The following RANBP2 variants were observed in gnomAD, a reference collection of about 807,000 sequenced individuals.
RANBP2 encodes the protein RAN binding protein 2.
RANBP2 carries 57 observed loss-of-function variants against 303.6 expected under a neutral mutation model. That is an observed-to-expected ratio of 0.19 (90% CI 0.15 to 0.23). The LOEUF (loss-of-function observed/expected upper bound fraction) is 0.23. Ranked by LOEUF, RANBP2 falls within the 10% of genes least tolerant of loss-of-function variation. The pLI, the probability that RANBP2 is intolerant of heterozygous loss-of-function variation, is 1.00. For missense variants in RANBP2, 3,138 were observed against 3,780.8 expected, an observed-to-expected ratio of 0.83 and a Z score of 4.46; for synonymous variants, 1,167 against 1,301.5, an observed-to-expected ratio of 0.90 and a Z score of 2.23.
At chr2:109,017,741 G>A in the RANBP2 span, among the ~76,000 whole-genome samples, 2 of 152,108 alleles carry the variant, frequency 1.3e-5, no homozygotes, top group African/African-American at 4.8e-5. Context: ...GAGACCCTTG[G>A]AATCTTAATA....
the RANBP2 span, among the ~76,000 whole-genome samples, chr2:109,569,437 TAA>T: frequency 0.071 from 9,268 of 131,168 alleles, 691 homozygotes; most frequent in East Asian, 0.25. Context: ...AAACTCTTGT[TAA>T]AAAAAAAAAA....
the RANBP2 span, among the ~76,000 whole-genome samples, chr2:109,601,384 A>C: frequency 3.9e-5 from 6 of 152,260 alleles, no homozygotes; most frequent in Admixed American, 3.3e-4. Context: ...ACAAGTGTAT[A>C]AAAGGGTCCA....
At chr2:108,738,615 T>TTAA (rs1192496004) in intron 6 of RANBP2, among the ~76,000 whole-genome samples, 1 of 151,890 alleles carries the variant, frequency 6.6e-6, no homozygotes, top group Non-Finnish European at 1.5e-5. Flanking sequence ...CTATTGTGTG[T>TTAA]TAATAATAAT....
the RANBP2 span, among the ~76,000 whole-genome samples, chr2:109,249,839 A>ATTTATTTTTTAATTTT: frequency 6.6e-6 from 1 of 150,860 alleles, no homozygotes; most frequent in Non-Finnish European, 1.5e-5. Flanking sequence ...TGTTTTATTT[A>ATTTATTTTTTAATTTT]TTTATTTTTT....
the RANBP2 span, among the ~76,000 whole-genome samples, chr2:108,812,161 A>G: frequency 6.6e-6 from 1 of 152,196 alleles, no homozygotes; most frequent in African/African-American, 2.4e-5. Context: ...GTTCATGGAT[A>G]GGAAGACTCA....
At chr2:109,202,560 G>A in the RANBP2 span, among the ~76,000 whole-genome samples, 2 of 152,240 alleles carry the variant, frequency 1.3e-5, no homozygotes, top group South Asian at 2.1e-4. Flanking sequence ...CCTCCCAGCA[G>A]TCAGCAGTGA....
chr2:108,775,114 A>G (rs1677783904), intron 23 of RANBP2, among the ~76,000 whole-genome samples: 3 of 152,176 alleles, frequency 2.0e-5, no homozygotes, highest in African/African-American at 7.2e-5. Flanking sequence ...GCAAGTTTTA[A>G]TATGTGATAT....
the RANBP2 span, among the ~76,000 whole-genome samples, chr2:109,416,342 C>T: frequency 6.6e-6 from 1 of 151,848 alleles, no homozygotes; most frequent in African/African-American, 2.4e-5. Context: ...TGCCTGTAAT[C>T]CCAGCACTTT....
At chr2:109,680,390 A>G in the RANBP2 span, among the ~76,000 whole-genome samples, 1 of 151,564 alleles carries the variant, frequency 6.6e-6, no homozygotes, top group Non-Finnish European at 1.5e-5. Context: ...AATAAAAAAA[A>G]AATTTAAAAA....
At chr2:109,228,710 A>C in the RANBP2 span, among the ~76,000 whole-genome samples, 1 of 152,100 alleles carries the variant, frequency 6.6e-6, no homozygotes, top group Non-Finnish European at 1.5e-5. Flanking sequence ...AAGCAGCCAG[A>C]TGGAGAGGTA....
chr2:109,568,013 AT>A, the RANBP2 span: 50,731 of 1,149,136 alleles, frequency 0.044, no homozygotes, highest in South Asian at 0.062. Context: ...CTTACTGAGG[AT>A]TTTTTTTTTT....
the RANBP2 span, among the ~76,000 whole-genome samples, chr2:109,679,524 A>G: frequency 6.6e-6 from 1 of 152,184 alleles, no homozygotes; most frequent in African/African-American, 2.4e-5. Context: ...TAAAACTTAA[A>G]TGCATTTACA....
At chr2:109,625,936 C>T in the RANBP2 span, among the ~76,000 whole-genome samples, 1 of 152,064 alleles carries the variant, frequency 6.6e-6, no homozygotes, top group African/African-American at 2.4e-5. Context: ...AGAAACTGAA[C>T]TAGATCTGTG....
chr2:109,194,216 C>G, the RANBP2 span, among the ~76,000 whole-genome samples: 1 of 152,242 alleles, frequency 6.6e-6, no homozygotes, highest in Non-Finnish European at 1.5e-5. Context: ...CCGTGCAGAC[C>G]ACGTTTCAGG....
At chr2:108,965,131 G>T in the RANBP2 span, among the ~76,000 whole-genome samples, 1 of 151,908 alleles carries the variant, frequency 6.6e-6, no homozygotes, top group African/African-American at 2.4e-5. Flanking sequence ...GTGTGTGAAG[G>T]GTACTGGTAT....
At chr2:109,198,911 T>G in the RANBP2 span, among the ~76,000 whole-genome samples, 2 of 152,184 alleles carry the variant, frequency 1.3e-5, no homozygotes, top group South Asian at 2.1e-4. Flanking sequence ...TTTGCGTAGC[T>G]AAATGCAGAA....
intron 17 of RANBP2, among the ~76,000 whole-genome samples, chr2:108,757,884 A>C (rs1676436216): frequency 6.6e-6 from 1 of 152,230 alleles, no homozygotes; most frequent in Non-Finnish European, 1.5e-5. Context: ...GAGAGTTAAT[A>C]AATTAGGTTT....
the RANBP2 span, chr2:109,398,581 C>T: frequency 1.9e-4 from 289 of 1,543,588 alleles, no homozygotes; most frequent in Admixed American, 1.1e-3. Flanking sequence ...TCTCCCCTTT[C>T]TCACTCAGCT....
the RANBP2 span, among the ~76,000 whole-genome samples, chr2:109,345,085 A>AGT: frequency 1.3e-5 from 2 of 152,058 alleles, no homozygotes; most frequent in Non-Finnish European, 2.9e-5. Flanking sequence ...GTGACTCAGG[A>AGT]GTGTGTGTCT....
Sources: allele counts gnomAD v4.1 joint callset (sites outside exome capture counted in the v4.1 genomes callset), GRCh38; gene constraint gnomAD v4.1.1; transcripts MANE v1.5; gene names NCBI Gene and HGNC (gene_info 2026-07-23, HGNC 2026-07-21).